The following CPA6 variants were observed in gnomAD, a reference collection of about 807,000 sequenced individuals.
CPA6 encodes carboxypeptidase B.
Under a neutral mutation model 63.3 loss-of-function variants are expected in CPA6, and 58 were observed. That is an observed-to-expected ratio of 0.92 (90% CI 0.74 to 1.14). CPA6 has a LOEUF of 1.14. Among genes scored for constraint, CPA6 ranks in the 50% most tolerant of loss-of-function variants. CPA6 has a pLI of 0.00. For synonymous variants in CPA6, 185 were observed against 179.0 expected (o/e 1.03, Z -0.27); for missense variants, 565 against 526.6 (o/e 1.07, Z -0.71).
intron 2 of CPA6, among the ~76,000 whole-genome samples, chr8:67,594,065 G>C (rs936691976): frequency 6.6e-6 from 1 of 151,938 alleles, no homozygotes; most frequent in Non-Finnish European, 1.5e-5. Flanking sequence ...AGGAGCTCTT[G>C]TAGGGCAGGC....
At chr8:67,631,023 G>A (rs887734616) in intron 1 of CPA6, among the ~76,000 whole-genome samples, 1 of 152,186 alleles carries the variant, frequency 6.6e-6, no homozygotes, top group Non-Finnish European at 1.5e-5. Context: ...CTCCTGCGTG[G>A]CCCAAGCCTC....
intron 1 of CPA6, among the ~76,000 whole-genome samples, chr8:67,684,001 GTATATATATATATATA>G (rs3056573): frequency 1.2e-4 from 14 of 116,982 alleles, no homozygotes; most frequent in South Asian, 3.1e-4. Flanking sequence ...ATTTTAAAAT[GTATATATATATATATA>G]TATATATATA....
intron 2 of CPA6, among the ~76,000 whole-genome samples, chr8:67,575,368 A>T (rs1003502340): frequency 1.3e-5 from 2 of 152,238 alleles, no homozygotes; most frequent in African/African-American, 4.8e-5. Context: ...CATATGATCC[A>T]GCAATGCCAC....
At chr8:67,512,040 G>A (rs918701737) in intron 3 of CPA6, among the ~76,000 whole-genome samples, 15 of 152,260 alleles carry the variant, frequency 9.9e-5, no homozygotes, top group East Asian at 5.8e-4. Flanking sequence ...TATAGTCTAT[G>A]TGGTAGATTC....
chr8:67,668,077 GTT>G (rs1816269412), intron 1 of CPA6, among the ~76,000 whole-genome samples: 4 of 152,210 alleles, frequency 2.6e-5, no homozygotes, highest in Admixed American at 2.6e-4. Flanking sequence ...AAAGTGTCCT[GTT>G]TGAACAGAAG....
At chr8:67,509,907 TA>T (rs1436875276) in intron 4 of CPA6, among the ~76,000 whole-genome samples, 1 of 152,286 alleles carries the variant, frequency 6.6e-6, no homozygotes, top group East Asian at 1.9e-4. Context: ...CAGATTTTTA[TA>T]AAAAATTGAT....
At chr8:67,677,346 T>C (rs1174243743) in intron 1 of CPA6, among the ~76,000 whole-genome samples, 3 of 150,174 alleles carry the variant, frequency 2.0e-5, no homozygotes, top group Admixed American at 1.3e-4. Flanking sequence ...CACCTTCTTT[T>C]TTTTTTTTTT....
At chr8:67,638,856 T>C (rs1412840809) in intron 1 of CPA6, among the ~76,000 whole-genome samples, 1 of 151,440 alleles carries the variant, frequency 6.6e-6, no homozygotes, top group East Asian at 1.9e-4. Flanking sequence ...ATAAAGTGAC[T>C]CCATGCAAGC....
At chr8:67,502,936 G>T (rs528210802) in intron 6 of CPA6, among the ~76,000 whole-genome samples, 92 of 152,306 alleles carry the variant, frequency 6.0e-4, no homozygotes, top group Non-Finnish European at 9.4e-4. Context: ...CACTTGAAAA[G>T]AAAGTGTATT....
intron 1 of CPA6, among the ~76,000 whole-genome samples, chr8:67,691,681 C>T (rs1038768202): frequency 6.6e-6 from 1 of 152,174 alleles, no homozygotes; most frequent in Non-Finnish European, 1.5e-5. Flanking sequence ...GTAAATATCT[C>T]TGTAAAATAC....
At chr8:67,657,872 G>T (rs1460858197) in intron 1 of CPA6, among the ~76,000 whole-genome samples, 1 of 152,136 alleles carries the variant, frequency 6.6e-6, no homozygotes, top group Non-Finnish European at 1.5e-5. Flanking sequence ...CACCAGGAGA[G>T]GCTTTGTGAG....
At chr8:67,570,018 A>T (rs1166226772) in intron 2 of CPA6, 1 of 153,512 alleles carries the variant, frequency 6.5e-6, no homozygotes, top group Non-Finnish European at 1.5e-5. Context: ...GAACAAAGGC[A>T]GTTCAAGGCC....
chr8:67,528,526 T>TCCTG (rs1812412128), intron 2 of CPA6, among the ~76,000 whole-genome samples: 2 of 152,164 alleles, frequency 1.3e-5, no homozygotes, highest in Admixed American at 1.3e-4. Flanking sequence ...GACTGCTGAT[T>TCCTG]CCTGCCTTGT....
intron 8 of CPA6, among the ~76,000 whole-genome samples, chr8:67,462,872 G>A (rs1047968688): frequency 2.6e-5 from 4 of 152,150 alleles, no homozygotes; most frequent in African/African-American, 2.4e-5. Flanking sequence ...CAGAGTGCCT[G>A]CATATAGATG....
intron 6 of CPA6, among the ~76,000 whole-genome samples, chr8:67,506,341 G>A (rs1811925772): frequency 6.6e-6 from 1 of 152,120 alleles, no homozygotes. Flanking sequence ...ATAGCAGGAG[G>A]GCACAAGCAA....
At chr8:67,710,165 T>G (rs1476995110) in intron 1 of CPA6, among the ~76,000 whole-genome samples, 1 of 152,076 alleles carries the variant, frequency 6.6e-6, no homozygotes, top group African/African-American at 2.4e-5. Flanking sequence ...TTAAGCTTTG[T>G]CTAAAAACTT....
intron 1 of CPA6, among the ~76,000 whole-genome samples, chr8:67,647,605 T>A (rs1023415994): frequency 6.6e-6 from 1 of 152,224 alleles, no homozygotes; most frequent in African/African-American, 2.4e-5. Flanking sequence ...CCCTGACTCC[T>A]GTCTCTCAAT....
chr8:67,581,118 A>G (rs1037318321), intron 2 of CPA6, among the ~76,000 whole-genome samples: 1 of 152,202 alleles, frequency 6.6e-6, no homozygotes, highest in African/African-American at 2.4e-5. Context: ...ATGAACGAGT[A>G]TATGTACTAT....
chr8:67,628,354 C>G (rs1815240856), intron 1 of CPA6, among the ~76,000 whole-genome samples: 1 of 152,192 alleles, frequency 6.6e-6, no homozygotes, highest in African/African-American at 2.4e-5. Context: ...TGTTGAAAGA[C>G]AGAGATGTGA....
Sources: allele counts gnomAD v4.1 joint callset (sites outside exome capture counted in the v4.1 genomes callset), GRCh38; gene constraint gnomAD v4.1.1; transcripts MANE v1.5; gene names NCBI Gene and HGNC (gene_info 2026-07-23, HGNC 2026-07-21).